The following PTPRN2 variants were observed in gnomAD, a reference collection of about 807,000 sequenced individuals.
PTPRN2 encodes receptor-type tyrosine-protein phosphatase N2.
PTPRN2 carries 74 observed loss-of-function variants against 118.8 expected under a neutral mutation model. The observed-to-expected ratio is 0.62, with a 90% confidence interval of 0.52 to 0.76. PTPRN2 has a LOEUF of 0.76. Ranked by LOEUF, PTPRN2 falls within the 30% of genes least tolerant of loss-of-function variation. The pLI is 0.00. For synonymous variants in PTPRN2, 641 were observed against 608.0 expected (o/e 1.05, Z -0.80); for missense variants, 1,481 against 1,394.4 (o/e 1.06, Z -0.99).
chr7:157,549,000 G>A lies in PTPRN2; in HGVS notation c.2922C>T (p.Ile974=), dbSNP rs370473762. ...KMAKGAKEID[I]AATLEHLRDQ... is the part of the protein sequence containing the mutation. ...CCCTCAAGTGCTCCAGGGTCGCTGC[G>A]ATATCAATCTCTTTAGCACCTGCAA... The change falls in exon 22 of 23, where the codon ATC becomes ATT. Residue 974 remains isoleucine, a synonymous_variant. Coordinates refer to ENST00000389418, the MANE Select transcript of PTPRN2 (RefSeq NM_002847.5). 4.8e-5 allele frequency: 77 copies of A among 1,614,178 alleles called. No individual in the cohort carries two copies. In the South Asian group the frequency reaches 6.6e-4, roughly 14 times the overall value.
intron 11 of PTPRN2, among the ~76,000 whole-genome samples, chr7:157,950,053 G>T (rs1331017189): frequency 2.0e-5 from 3 of 152,186 alleles, no homozygotes; most frequent in Admixed American, 1.3e-4. Context: ...TCACCAACTT[G>T]TAAAAAATAT....
intron 5 of PTPRN2, among the ~76,000 whole-genome samples, chr7:158,186,132 C>T (rs1352429196): frequency 6.6e-6 from 1 of 152,182 alleles, no homozygotes; most frequent in African/African-American, 2.4e-5. Flanking sequence ...GTTCCATGCA[C>T]CTCAAGAGTT....
At chr7:157,697,000 C>T (rs1797823974) in intron 12 of PTPRN2, among the ~76,000 whole-genome samples, 1 of 95,638 alleles carries the variant, frequency 1.0e-5, no homozygotes, top group Non-Finnish European at 2.1e-5. Context: ...CTTGGCAGAG[C>T]CCTCACCATC....
intron 11 of PTPRN2, among the ~76,000 whole-genome samples, chr7:157,981,840 G>A (rs1803176353): frequency 6.6e-6 from 1 of 152,252 alleles, no homozygotes; most frequent in Non-Finnish European, 1.5e-5. Flanking sequence ...ATTCTTCAAG[G>A]GCTTTGCAAA....
intron 12 of PTPRN2, among the ~76,000 whole-genome samples, chr7:157,774,577 C>T (rs914884483): frequency 5.9e-5 from 9 of 152,224 alleles, no homozygotes; most frequent in African/African-American, 2.2e-4. Flanking sequence ...CACACCGGCT[C>T]ATGTGCACAA....
chr7:158,487,810 T>G (rs1367393578), intron 2 of PTPRN2, among the ~76,000 whole-genome samples: 1 of 152,176 alleles, frequency 6.6e-6, no homozygotes, highest in African/African-American at 2.4e-5. Flanking sequence ...AAAGCGCAGT[T>G]TTCTAAGACT....
In PTPRN2 at chr7:157,845,519, T is replaced by C. The variant is rs559481881; in HGVS notation, c.1788+53154A>G. On this transcript the variant is annotated intron_variant, in intron 12 of 22. Coordinates refer to ENST00000389418, the MANE Select transcript of PTPRN2 (RefSeq NM_002847.5). This position sits in a 1 kb window ranked among gnomAD's most constrained non-coding sequence, Gnocchi z 4.5. ...GAACCACGCAGCCTAACTCAGCATG[T>C]TCCCGGCCACATCCCGGTGAACCAT... is the stretch of plus-strand genomic sequence containing the variant. Among the ~76,000 whole-genome samples the C allele has an allele frequency of 6.6e-6, 1 of 152,082 alleles. No individual in the cohort carries two copies. The highest frequency in any genetic ancestry group is 2.1e-4 in the South Asian group (1 of 4,800).
At chr7:157,849,382 C>T (rs930154323) in intron 12 of PTPRN2, among the ~76,000 whole-genome samples, 1 of 152,126 alleles carries the variant, frequency 6.6e-6, no homozygotes, top group Non-Finnish European at 1.5e-5. Flanking sequence ...TGTGGGTGTG[C>T]GTCCTCTCAG....
In PTPRN2 at chr7:158,325,806, C is replaced by T. The variant is rs569435479; in HGVS notation, c.164-8874G>A. Among the ~76,000 whole-genome samples the T allele has an allele frequency of 1.2e-4, 18 of 152,360 alleles. No individual in the cohort carries two copies. In the South Asian group the frequency reaches 3.3e-3, roughly 28 times the overall value. Reference sequence around the variant, plus strand: ...CAGGGACTGCGACCATTTCTAGAATCGTCACAAAGCCATCGCTGAGACAGA... The same window carrying T: ...CAGGGACTGCGACCATTTCTAGAATTGTCACAAAGCCATCGCTGAGACAGA... On this transcript the variant is annotated intron_variant, in intron 2 of 22. Transcript: ENST00000389418.
intron 2 of PTPRN2, among the ~76,000 whole-genome samples, chr7:158,449,055 G>A (rs1027955616): frequency 6.6e-6 from 1 of 152,202 alleles, no homozygotes; most frequent in Non-Finnish European, 1.5e-5. Context: ...TCCTTTGTGG[G>A]ACTCGGCACC....
At chr7:157,697,577 T>C (rs1585257576) in intron 12 of PTPRN2, among the ~76,000 whole-genome samples, 2 of 141,728 alleles carry the variant, frequency 1.4e-5, no homozygotes, top group Admixed American at 6.9e-5. Flanking sequence ...TACTGGGTCT[T>C]GGCAGAGCCC....
Position 157,603,712 on chromosome 7 carries a change from A to G in PTPRN2, c.2418+290T>C, listed in dbSNP as rs1801825842. ...CGGCACCCACTACGAACCTCTCCTA[A>G]AAGCCATGTCTTCTAGTCAGGAAAC... On this transcript the variant is annotated intron_variant, in intron 16 of 22. Coordinates refer to ENST00000389418, the MANE Select transcript of PTPRN2 (RefSeq NM_002847.5). The surrounding 1 kb of genome is among the most constrained non-coding windows in gnomAD (Gnocchi z 5.4). Among the ~76,000 whole-genome samples, 1 of 152,110 alleles carries G rather than the reference A, an allele frequency of 6.6e-6. No homozygotes were observed. Among genetic ancestry groups the G allele is most frequent in the South Asian group, 2.1e-4 (1 of 4,816 alleles).
chr7:158,037,742 G>T (rs1375437169), intron 11 of PTPRN2, among the ~76,000 whole-genome samples: 1 of 152,142 alleles, frequency 6.6e-6, no homozygotes, highest in Non-Finnish European at 1.5e-5. Flanking sequence ...AACCCAATCA[G>T]TCTTTTTTCA....
intron 9 of PTPRN2, among the ~76,000 whole-genome samples, chr7:158,130,557 A>G (rs530460574): frequency 1.2e-3 from 185 of 151,584 alleles, no homozygotes; most frequent in Middle Eastern, 6.8e-3. Context: ...TCTACCCCAC[A>G]TACACTCATA....
intron 2 of PTPRN2, among the ~76,000 whole-genome samples, chr7:158,366,394 A>C (rs200825756): frequency 1.1e-5 from 1 of 90,822 alleles, no homozygotes; most frequent in African/African-American, 4.0e-5. Flanking sequence ...ACACCCACAC[A>C]CCCACAGCAT....
intron 17 of PTPRN2, among the ~76,000 whole-genome samples, chr7:157,584,943 G>A (rs1309414067): frequency 1.3e-5 from 2 of 152,198 alleles, no homozygotes; most frequent in African/African-American, 4.8e-5. Context: ...ACAGGCTCCA[G>A]GCCACAGCAC....
chr7:157,799,490 G>A (rs1805092944), intron 12 of PTPRN2, among the ~76,000 whole-genome samples: 2 of 152,060 alleles, frequency 1.3e-5, no homozygotes, highest in South Asian at 4.1e-4. Flanking sequence ...ACCCAGCCCA[G>A]GGCTCCCTCC....
chr7:158,221,441 G>GA (rs1027615158), intron 3 of PTPRN2, among the ~76,000 whole-genome samples: 52 of 152,218 alleles, frequency 3.4e-4, no homozygotes, highest in Admixed American at 2.8e-3. Flanking sequence ...TATAGGGTAG[G>GA]AAAAAATATT....
At chr7:158,050,422 G>A (rs1809236907) in intron 11 of PTPRN2, among the ~76,000 whole-genome samples, 1 of 152,158 alleles carries the variant, frequency 6.6e-6, no homozygotes, top group African/African-American at 2.4e-5. Context: ...CAACCTCAAT[G>A]CCTTTTACTG....
Sources: allele counts gnomAD v4.1 joint callset (sites outside exome capture counted in the v4.1 genomes callset), GRCh38; gene constraint gnomAD v4.1.1; non-coding constraint Gnocchi (gnomAD v3.1); transcripts MANE v1.5; gene names NCBI Gene and HGNC (gene_info 2026-07-23, HGNC 2026-07-21).